Variants in LIPH observed in about 807,000 individuals in gnomAD.
The protein encoded by LIPH is lipase H.
In LIPH, 32 loss-of-function variants were observed where a neutral mutation model predicts 47.6. That is an observed-to-expected ratio of 0.67 (90% CI 0.51 to 0.90). The LOEUF (loss-of-function observed/expected upper bound fraction) is 0.90, where lower values mean the gene tolerates loss of function less well. Ranked by LOEUF, LIPH falls within the 40% of genes least tolerant of loss-of-function variation. The probability of loss-of-function intolerance (pLI) is 0.00; values close to 1 mark genes in which losing one functional copy is unlikely to be tolerated. For synonymous variants in LIPH, 190 were observed against 195.6 expected (o/e 0.97, Z 0.24); for missense variants, 497 against 541.4 (o/e 0.92, Z 0.81).
At chr3:185,529,616 C>T (rs952353417) in intron 3 of LIPH, among the ~76,000 whole-genome samples, 15 of 151,150 alleles carry the variant, frequency 9.9e-5, no homozygotes, top group African/African-American at 1.5e-4. Flanking sequence ...TTCAGCTGGT[C>T]GCAGTGGCTT....
chr3:185,512,379 A>G (rs1719593593), intron 8 of LIPH, among the ~76,000 whole-genome samples: 1 of 152,120 alleles, frequency 6.6e-6, no homozygotes, highest in Non-Finnish European at 1.5e-5. Context: ...AATTGAAGGT[A>G]AGGCATATCA....
Position 185,533,347 on chromosome 3 carries a change from CTATAG to C in LIPH, c.526+219_526+223del. Among the ~76,000 whole-genome samples the C allele has an allele frequency of 2.0e-5, 3 of 152,282 alleles. No homozygotes were observed. In the East Asian group the frequency reaches 5.8e-4, roughly 29 times the overall value. The stretch of plus-strand genomic sequence containing the variant: ...GAAATAAAGTCACTACTCATCTTTT[CTATAG>C]TATACACAATTTACAAAATGCTTTA... On this transcript the variant is annotated intron_variant, in intron 3 of 9. Transcript: ENST00000296252.
chr3:185,508,643 C>A lies in LIPH; in HGVS notation c.*147G>T. On this transcript the variant is annotated 3_prime_UTR_variant, in exon 10 of 10. Transcript: ENST00000296252. ...TATAATCACAAGGTTGTTTGATGTA[C>A]AATGTGACATCCATAGGACGCTACT... The A allele has an allele frequency of 2.9e-6, 2 of 685,362 alleles. No homozygotes were observed. Among genetic ancestry groups the A allele is most frequent in the Non-Finnish European group, 2.7e-6 (1 of 374,888 alleles). The allele number at this position is 685,362 out of a possible 1,614,324, so 42.5% of individuals were successfully genotyped here. A position where few individuals can be genotyped will look rare whatever the true frequency, so the allele number is the denominator to read the frequency against.
At chr3:185,544,169 G>A (rs1362810869) in intron 1 of LIPH, among the ~76,000 whole-genome samples, 1 of 151,968 alleles carries the variant, frequency 6.6e-6, no homozygotes, top group African/African-American at 2.4e-5. Flanking sequence ...GTCTTTCAAG[G>A]AGGGCTCATG....
chr3:185,518,689 CTTTTT>C (rs938534920), intron 6 of LIPH, among the ~76,000 whole-genome samples: 23 of 151,776 alleles, frequency 1.5e-4, no homozygotes, highest in Middle Eastern at 3.4e-3. Flanking sequence ...AAATTTTTTT[CTTTTT>C]AAGAAATTTT....
chr3:185,509,710 A>G (rs1317022535), intron 9 of LIPH, among the ~76,000 whole-genome samples: 1 of 152,212 alleles, frequency 6.6e-6, no homozygotes, highest in East Asian at 1.9e-4. Flanking sequence ...GGAAGATTAT[A>G]TAGAAATAAC....
At chr3:185,518,077 C>G (rs1208431821) in intron 6 of LIPH, among the ~76,000 whole-genome samples, 1 of 152,092 alleles carries the variant, frequency 6.6e-6, no homozygotes, top group Non-Finnish European at 1.5e-5. Flanking sequence ...TGGACCCTCT[C>G]CCAGCAGAGA....
chr3:185,548,107 T>C (rs1336282494), intron 1 of LIPH, among the ~76,000 whole-genome samples: 4 of 152,094 alleles, frequency 2.6e-5, no homozygotes, highest in Admixed American at 1.3e-4. Context: ...GCCTTCCTCG[T>C]ATTAGAAAAT....
At chr3:185,547,944 C>G (rs1236910237) in intron 1 of LIPH, among the ~76,000 whole-genome samples, 1 of 152,104 alleles carries the variant, frequency 6.6e-6, no homozygotes, top group African/African-American at 2.4e-5. Flanking sequence ...GTCTGGGATA[C>G]AAGCTCATTA....
chr3:185,512,683 T>C (rs1180632405), intron 8 of LIPH, among the ~76,000 whole-genome samples: 4 of 151,806 alleles, frequency 2.6e-5, no homozygotes, highest in African/African-American at 9.7e-5. Context: ...GAGACAGGGT[T>C]TCACCATATT....
intron 1 of LIPH, among the ~76,000 whole-genome samples, chr3:185,547,681 G>A (rs532518080): frequency 4.6e-5 from 7 of 152,038 alleles, no homozygotes; most frequent in East Asian, 1.9e-4. Context: ...AAAATTAGCC[G>A]GGCATGGTGG....
rs898169718 is a variant in LIPH, at chr3:185,508,633, G to A, written c.*157C>T. 3.0e-5 allele frequency: 20 copies of A among 666,716 alleles called. No homozygotes were observed. The highest frequency in any genetic ancestry group is 2.9e-4 in the African/African-American group (16 of 55,222). 41.3% of individuals were successfully genotyped at this position (666,716 alleles called of 1,614,324 possible). A position where few individuals can be genotyped will look rare whatever the true frequency, so the allele number is the denominator to read the frequency against. On this transcript the variant is annotated 3_prime_UTR_variant, in exon 10 of 10. Transcript: ENST00000296252. Reference sequence around the variant, plus strand: ...AGGATCGTTTTATAATCACAAGGTTGTTTGATGTACAATGTGACATCCATA... The same window carrying A: ...AGGATCGTTTTATAATCACAAGGTTATTTGATGTACAATGTGACATCCATA...
rs146753303 is a variant in LIPH, at chr3:185,508,864, G to C, written c.1282C>G (p.Arg428Gly). 1 of 1,611,538 alleles carries C rather than the reference G, an allele frequency of 6.2e-7. No homozygotes were observed. The highest frequency in any genetic ancestry group is 8.5e-7 in the Non-Finnish European group (1 of 1,177,692). ...TTTTCCATCAGGACAAGATCATACC[G>C]ACACAGCTGAGGCCTGGGAAAATAA... is the stretch of plus-strand genomic sequence containing the variant. Reference protein sequence around the residue: ...LAHPERPQLCRYDLVLMENVE... With the variant: ...LAHPERPQLCGYDLVLMENVE... Residue 428 changes from arginine (R) to glycine (G), a missense_variant, in exon 10 of 10, where the codon CGG (arginine) becomes GGG (glycine). Transcript: ENST00000296252.
At chr3:185,542,039 G>T (rs548789569) in intron 1 of LIPH, among the ~76,000 whole-genome samples, 1 of 151,890 alleles carries the variant, frequency 6.6e-6, no homozygotes, top group South Asian at 2.1e-4. Context: ...TTACAAGCGT[G>T]AGCCACCGTG....
chr3:185,529,168 C>A (rs1371722081), intron 3 of LIPH, among the ~76,000 whole-genome samples: 2 of 118,886 alleles, frequency 1.7e-5, no homozygotes, highest in Non-Finnish European at 3.4e-5. Context: ...CAGAGCGAGA[C>A]TCCGTCTCAA....
At position 185,534,824 on chromosome 3, in the gene LIPH, C is replaced by T. The variant is rs1269981216; in HGVS notation, c.358G>A (p.Ala120Thr). The T allele has an allele frequency of 6.2e-7, 1 of 1,613,510 alleles. No homozygotes were observed. Among genetic ancestry groups the T allele is most frequent in the Admixed American group, 1.7e-5 (1 of 60,024 alleles). ...RGATTLIYTH[A>T]SSKTRKVAMV... is the part of the protein sequence containing the mutation. ...GCTACTTTTCTGGTCTTACTAGAGG[C>T]ATGGGTATATATTAAAGTTGTAGCT... The change falls in exon 2 of 10, where the codon GCC (alanine) becomes ACC (threonine). Residue 120 changes from alanine to threonine, a missense_variant. Coordinates refer to ENST00000296252, the MANE Select transcript of LIPH (RefSeq NM_139248.3).
intron 6 of LIPH, among the ~76,000 whole-genome samples, chr3:185,518,732 T>C (rs1352318045): frequency 1.3e-5 from 2 of 151,862 alleles, no homozygotes; most frequent in African/African-American, 4.8e-5. Flanking sequence ...TTTATTTATT[T>C]ATTTTTGGAG....
rs538388146 is a variant in LIPH at position 185,512,573 on chromosome 3, C to T, written c.1095-876G>A. Among the ~76,000 whole-genome samples the T allele has an allele frequency of 4.0e-4, 60 of 150,496 alleles. 1 individual carries two copies. The highest frequency in any genetic ancestry group is 1.4e-3 in the African/African-American group (57 of 40,836). ...GTGTGATCTCGGTTCACTGCAACCT[C>T]TGCCTCCTGGGTTCAAGTCATTTTC... On this transcript the variant is annotated intron_variant, in intron 8 of 9. Coordinates refer to ENST00000296252, the MANE Select transcript of LIPH (RefSeq NM_139248.3).
intron 5 of LIPH, among the ~76,000 whole-genome samples, chr3:185,519,884 C>T (rs1719850204): frequency 7.0e-6 from 1 of 143,390 alleles, no homozygotes; most frequent in African/African-American, 2.6e-5. Flanking sequence ...TGATTGCTCA[C>T]GTAGCAATCG....
Sources: gnomAD v4.1 joint callset for allele counts (sites outside exome capture counted in the v4.1 genomes callset) on GRCh38, gnomAD v4.1.1 for gene constraint, MANE v1.5 for transcripts, NCBI Gene and HGNC (gene_info 2026-07-23, HGNC 2026-07-21) for gene names.